Variants in PIK3R2 observed in about 807,000 individuals in gnomAD.
PIK3R2 encodes phosphatidylinositol 3-kinase regulatory subunit beta.
In PIK3R2, 40 loss-of-function variants were observed where a neutral mutation model predicts 78.5. The ratio of observed to expected loss-of-function variants is 0.51; its 90% confidence interval spans 0.40 to 0.66. The LOEUF (loss-of-function observed/expected upper bound fraction) is 0.66. PIK3R2 is among the 30% of genes least tolerant of loss of function. The probability of loss-of-function intolerance (pLI) is 0.00; values close to 1 mark genes in which losing one functional copy is unlikely to be tolerated. For missense variants in PIK3R2, 880 were observed against 1,026.6 expected, an observed-to-expected ratio of 0.86 and a Z score of 1.95; for synonymous variants, 473 against 457.7, an observed-to-expected ratio of 1.03 and a Z score of -0.43.
At chr19:18,153,514 T>G (rs1300928790) in intron 1 of PIK3R2, among the ~76,000 whole-genome samples, 1 of 151,706 alleles carries the variant, frequency 6.6e-6, no homozygotes, top group African/African-American at 2.4e-5. Flanking sequence ...GGGGAGAGAC[T>G]CCCCGCGTCC....
At chr19:18,163,540 A>G (rs982938379) in intron 11 of PIK3R2, 152 bp downstream of exon 11, 16 of 798,374 alleles carry the variant, frequency 2.0e-5, no homozygotes, top group Non-Finnish European at 3.0e-5. Context: ...TTCTAAAAAC[A>G]TAGAAATAAG....
rs752242117 is a variant in PIK3R2 at position 18,162,328 on chromosome 19, G to A, written c.1010+18G>A. ...ATTTCAAGGTAGGTTGCTGGCAGGG[G>A]GCCAGGGACCAAGGAGGTGTCACAG... On this transcript the variant is annotated intron_variant, in intron 8 of 15. Coordinates refer to ENST00000222254, the MANE Select transcript of PIK3R2 (RefSeq NM_005027.4). 3 of 1,590,796 alleles carry A rather than the reference G, an allele frequency of 1.9e-6. No individual in the cohort carries two copies. Among genetic ancestry groups the A allele is most frequent in the African/African-American group, 2.7e-5 (2 of 74,454 alleles).
chr19:18,162,152 C>A, intron 7 of PIK3R2, 50 bp from the exon 8 acceptor site: 1 of 1,418,636 alleles, frequency 7.0e-7, no homozygotes, highest in Non-Finnish European at 1.0e-6. Flanking sequence ...TGGGAGGCAG[C>A]CACAGTATAC....
chr19:18,167,421 G>C lies in PIK3R2; in HGVS notation c.1736+115G>C. 1 of 891,392 alleles carries C rather than the reference G, an allele frequency of 1.1e-6. No individual in the cohort carries two copies. 55.2% of individuals were successfully genotyped at this position (891,392 alleles called of 1,614,324 possible). On this transcript the variant is annotated intron_variant, in intron 13 of 15. Coordinates refer to ENST00000222254, the MANE Select transcript of PIK3R2 (RefSeq NM_005027.4). This position sits in a 1 kb window ranked among gnomAD's most constrained non-coding sequence, Gnocchi z 4.5. Reference sequence around the variant, plus strand: ...CACCAAGTGGCCCTTCCTGGGCCCCGAGACCCCTTAAACTCGGTTCCTCCC... The same window carrying C: ...CACCAAGTGGCCCTTCCTGGGCCCCCAGACCCCTTAAACTCGGTTCCTCCC...
At position 18,166,163 on chromosome 19, in the gene PIK3R2, C is replaced by T; in HGVS notation, c.1420C>T (p.Leu474=). 2 of 1,613,880 alleles carry T rather than the reference C, an allele frequency of 1.2e-6. No homozygotes were observed. Among genetic ancestry groups the T allele is most frequent in the South Asian group, 2.2e-5 (2 of 91,074 alleles). Residue 474 remains leucine (L), a synonymous_variant, in exon 12 of 16, where the codon CTG becomes TTG. Transcript: ENST00000222254. ...TGAGCTGCGCCCCCTCCTCCAGGAG[C>T]TGCAGATGAAGCGTACTGCAATTGA... ...YEEYTRTSQE[L]QMKRTAIEAF...
At chr19:18,153,337 T>G (rs2043634231) in intron 1 of PIK3R2, 43 bp downstream of exon 1, 1 of 152,896 alleles carries the variant, frequency 6.5e-6, no homozygotes, top group South Asian at 1.8e-4. Context: ...GCTGGGAGTG[T>G]GCTTAAATGC....
rs930251952 is a variant in PIK3R2, at chr19:18,168,561, G to A, written c.1808+15G>A. The A allele has an allele frequency of 1.0e-5, 8 of 781,978 alleles. No homozygotes were observed. The Middle Eastern group carries it at 9.0e-4, about 88-fold the overall frequency. The allele number at this position is 781,978 out of a possible 1,614,324, so 48.4% of individuals were successfully genotyped here. On this transcript the variant is annotated intron_variant, in intron 14 of 15. Coordinates refer to ENST00000222254, the MANE Select transcript of PIK3R2 (RefSeq NM_005027.4). The surrounding 1 kb of genome is among the most constrained non-coding windows in gnomAD (Gnocchi z 4.1). ...GAGACTGAGGAGTGAGTGACCGTCT[G>A]GAGGGAGGCAGGGAGGGCTTCCCAG...
In PIK3R2 at chr19:18,166,146, G is replaced by T. The variant is rs373347268; in HGVS notation, c.1417-14G>T. On this transcript the variant is annotated splice_polypyrimidine_tract_variant and intron_variant, in intron 11 of 15. Coordinates refer to ENST00000222254, the MANE Select transcript of PIK3R2 (RefSeq NM_005027.4). ...GGAGTCCCAGGAGGTGCTGAGCTGC[G>T]CCCCCTCCTCCAGGAGCTGCAGATG... is the stretch of plus-strand genomic sequence containing the variant. 6.2e-7 allele frequency: 1 copy of T among 1,613,604 alleles called. No homozygotes were observed. The highest frequency in any genetic ancestry group is 2.2e-5 in the East Asian group (1 of 44,872).
rs2043842183 is a variant in PIK3R2 at position 18,169,160 on chromosome 19, C to T, written c.2053C>T (p.Leu685=). The change falls in exon 16 of 16, where the codon CTG becomes TTG. Residue 685 remains leucine (L), a synonymous_variant. Coordinates refer to ENST00000222254, the MANE Select transcript of PIK3R2 (RefSeq NM_005027.4). ...CTTCGGCTTCGCGGAGCCCTACAAC[C>T]TGTACGGGTCGCTGAAGGAGCTGGT... is the stretch of plus-strand genomic sequence containing the variant. The part of the protein sequence containing the change: ...TGFGFAEPYN[L]YGSLKELVLH... 6.2e-7 allele frequency: 1 copy of T among 1,611,204 alleles called. No homozygotes were observed. Among genetic ancestry groups the T allele is most frequent in the Non-Finnish European group, 8.5e-7 (1 of 1,179,840 alleles).
Position 18,162,302 on chromosome 19 carries a change from C to T in PIK3R2, c.1002C>T (p.Asp334=). Residue 334 remains aspartate, a synonymous_variant, in exon 8 of 16, where the codon GAC becomes GAT. Coordinates refer to ENST00000222254, the MANE Select transcript of PIK3R2 (RefSeq NM_005027.4). The stretch of plus-strand genomic sequence containing the variant: ...AGGATGCTGAGTGGTACTGGGGGGA[C>T]ATTTCAAGGTAGGTTGCTGGCAGGG... The part of the protein sequence containing the change: ...SLQDAEWYWG[D]ISREEVNEKL... 2 of 1,605,588 alleles carry T rather than the reference C, an allele frequency of 1.2e-6. No homozygotes were observed. Among genetic ancestry groups the T allele is most frequent in the Non-Finnish European group, 1.7e-6 (2 of 1,173,178 alleles).
chr19:18,153,459 C>G (rs527974906), intron 1 of PIK3R2, among the ~76,000 whole-genome samples, 165 bp downstream of exon 1: 1 of 152,176 alleles, frequency 6.6e-6, no homozygotes, highest in Non-Finnish European at 1.5e-5. Context: ...GCCTCGGGCT[C>G]GGCTCCGCAG....
intron 2 of PIK3R2, among the ~76,000 whole-genome samples, chr19:18,159,907 A>G (rs2043723370): frequency 1.5e-5 from 2 of 133,248 alleles, no homozygotes; most frequent in South Asian, 2.1e-4. Context: ...ACGCCCAGCT[A>G]ATTTTTCTGA....
At chr19:18,155,178 C>T (rs961319035) in intron 1 of PIK3R2, among the ~76,000 whole-genome samples, 10 of 117,916 alleles carry the variant, frequency 8.5e-5, no homozygotes, top group Admixed American at 5.9e-4. Flanking sequence ...GCCTGGGTGA[C>T]AGAGCAAGAC....
intron 1 of PIK3R2, among the ~76,000 whole-genome samples, chr19:18,155,039 C>T (rs748042741): frequency 4.6e-5 from 7 of 151,718 alleles, no homozygotes; most frequent in Non-Finnish European, 1.0e-4. Context: ...CATGGTGAAA[C>T]CTCGTCTCTA....
chr19:18,161,050 G>A lies in PIK3R2; in HGVS notation c.467-4G>A, dbSNP rs746291932. ...GTTGGACGTGTGCCCCCCTGCACCC[G>A]CAGACTGGTCCCTGAGCGACGTGGA... On this transcript the variant is annotated splice_region_variant and splice_polypyrimidine_tract_variant and intron_variant, in intron 4 of 15. Coordinates refer to ENST00000222254, the MANE Select transcript of PIK3R2 (RefSeq NM_005027.4). The surrounding 1 kb of genome is among the most constrained non-coding windows in gnomAD (Gnocchi z 5.3). The A allele has an allele frequency of 2.5e-6, 4 of 1,610,662 alleles. No individual in the cohort carries two copies. Among genetic ancestry groups the A allele is most frequent in the African/African-American group, 1.3e-5 (1 of 74,904 alleles).
intron 11 of PIK3R2, among the ~76,000 whole-genome samples, chr19:18,164,377 C>A (rs557786237): frequency 6.6e-6 from 1 of 151,646 alleles, no homozygotes; most frequent in East Asian, 2.0e-4. Context: ...GTGCAGGGCG[C>A]GCACCTCTAA....
rs767339426 is a variant in PIK3R2, at chr19:18,167,398, C to T, written c.1736+92C>T. Reference sequence around the variant, plus strand: ...AGGAGTCTCAGTCTCTCTCTCTCCACCAAGTGGCCCTTCCTGGGCCCCGAG... The same window carrying T: ...AGGAGTCTCAGTCTCTCTCTCTCCATCAAGTGGCCCTTCCTGGGCCCCGAG... On this transcript the variant is annotated intron_variant, in intron 13 of 15. Transcript: ENST00000222254. This position sits in a 1 kb window ranked among gnomAD's most constrained non-coding sequence, Gnocchi z 4.5. 1.0e-4 allele frequency: 121 copies of T among 1,160,910 alleles called. No homozygotes were observed. The highest frequency in any genetic ancestry group is 1.3e-4 in the Non-Finnish European group (112 of 855,294). The allele number at this position is 1,160,910 out of a possible 1,614,324, so 71.9% of individuals were successfully genotyped here. A position where few individuals can be genotyped will look rare whatever the true frequency, so the allele number is the denominator to read the frequency against.
rs569524771 is a variant in PIK3R2, at chr19:18,162,486, C to T, written c.1089C>T (p.Gly363=). The T allele has an allele frequency of 3.1e-6, 5 of 1,613,202 alleles. No individual in the cohort carries two copies. The highest frequency in any genetic ancestry group is 2.7e-5 in the African/African-American group (2 of 75,016). Residue 363 remains glycine (G), a synonymous_variant, in exon 9 of 16, where the codon GGC becomes GGT. Transcript: ENST00000222254. ...GAGATGCTTCTAGCAAGATCCAGGG[C>T]GAGTACACGCTGACCCTCAGGTGGG... ...LVRDASSKIQ[G]EYTLTLRKGG...
Position 18,155,737 on chromosome 19 carries a change from TG to T in PIK3R2, c.-141del. On this transcript the variant is annotated 5_prime_UTR_variant, in exon 2 of 16. The change abolishes the stop of an existing upstream ORF in the 5' untranslated region. Coordinates refer to ENST00000222254, the MANE Select transcript of PIK3R2 (RefSeq NM_005027.4). ...TGAAGCGAGGCATGAGCGGCCCCTG[TG>T]GTCGCCTGTGACTGCTGGAGATAGA... The T allele has an allele frequency of 1.5e-6, 1 of 651,718 alleles. No individual in the cohort carries two copies. The highest frequency in any genetic ancestry group is 2.5e-6 in the Non-Finnish European group (1 of 392,298). 40.4% of individuals were successfully genotyped at this position (651,718 alleles called of 1,614,324 possible). A position where few individuals can be genotyped will look rare whatever the true frequency, so the allele number is the denominator to read the frequency against.
Sources: allele counts gnomAD v4.1 joint callset (sites outside exome capture counted in the v4.1 genomes callset), GRCh38; gene constraint gnomAD v4.1.1; non-coding constraint Gnocchi (gnomAD v3.1); transcripts MANE v1.5; gene names NCBI Gene and HGNC (gene_info 2026-07-23, HGNC 2026-07-21).